SLCO6A1: variants seen among roughly 807,000 people sequenced by gnomAD.
SLCO6A1 encodes solute carrier organic anion transporter family member 6A1, also known as cancer/testis antigen 48.
A neutral mutation model predicts 72.7 loss-of-function variants in SLCO6A1; 65 were observed. The observed-to-expected ratio is 0.89, with a 90% CI of 0.73 to 1.10. The LOEUF (loss-of-function observed/expected upper bound fraction) is 1.10. SLCO6A1 is among the 50% of genes least tolerant of loss of function. SLCO6A1 has a pLI of 0.00. For missense variants in SLCO6A1, 874 were observed against 872.6 expected (o/e 1.00, Z -0.02); for synonymous variants, 314 against 298.2 (o/e 1.05, Z -0.55).
At chr5:102,383,095 A>ATATATATATATACAT (rs1554064835) in intron 12 of SLCO6A1, among the ~76,000 whole-genome samples, 1 of 128,572 alleles carries the variant, frequency 7.8e-6, no homozygotes, top group Non-Finnish European at 1.7e-5. Context: ...TATGTGTGTG[A>ATATATATATATACAT]ATATATATAT....
intron 7 of SLCO6A1, among the ~76,000 whole-genome samples, chr5:102,423,728 A>G (rs950639280): frequency 6.6e-6 from 1 of 152,206 alleles, no homozygotes; most frequent in African/African-American, 2.4e-5. Flanking sequence ...ATAGAAAATT[A>G]ACAAGGATAT....
Position 102,393,033 on chromosome 5 carries a change from T to C in SLCO6A1, c.1815-1988A>G, listed in dbSNP as rs550657048. 4.5e-4 allele frequency among the ~76,000 whole-genome samples: 69 copies of C among 152,254 alleles called. 1 individual carries two copies. The South Asian group carries it at 0.013, about 30-fold the overall frequency. ...ACCTTTTTTTCTCATTCACCACACCTAATCAGTAGATCCAATACTGTCATT... is the reference window on the plus strand; with the variant it reads ...ACCTTTTTTTCTCATTCACCACACCCAATCAGTAGATCCAATACTGTCATT... On this transcript the variant is annotated intron_variant, in intron 10 of 13. Coordinates refer to ENST00000506729, the MANE Select transcript of SLCO6A1 (RefSeq NM_173488.5).
intron 6 of SLCO6A1, among the ~76,000 whole-genome samples, chr5:102,442,581 T>G (rs1580434904): frequency 6.6e-6 from 1 of 152,358 alleles, no homozygotes; most frequent in South Asian, 2.1e-4. Context: ...TTGAATTATC[T>G]ACATGGTATA....
chr5:102,451,286 G>A (rs1203243472), intron 6 of SLCO6A1, among the ~76,000 whole-genome samples: 1 of 152,186 alleles, frequency 6.6e-6, no homozygotes, highest in African/African-American at 2.4e-5. Context: ...CAGCCTGAGA[G>A]CTCAGGCAGG....
At chr5:102,471,860 A>G (rs1275003738) in intron 4 of SLCO6A1, among the ~76,000 whole-genome samples, 2 of 152,088 alleles carry the variant, frequency 1.3e-5, no homozygotes, top group Non-Finnish European at 2.9e-5. Context: ...ACAGTATAAC[A>G]TTCTGGGGCT....
At chr5:102,376,786 A>G (rs1745821252) in intron 12 of SLCO6A1, among the ~76,000 whole-genome samples, 1 of 152,234 alleles carries the variant, frequency 6.6e-6, no homozygotes, top group East Asian at 1.9e-4. Flanking sequence ...AGACGTTTCA[A>G]TGAATTTCAA....
Position 102,388,820 on chromosome 5 carries a change from T to G in SLCO6A1, c.1885A>C (p.Ile629Leu). 1 of 1,594,876 alleles carries G rather than the reference T, an allele frequency of 6.3e-7. No homozygotes were observed. The highest frequency in any genetic ancestry group is 8.5e-7 in the Non-Finnish European group (1 of 1,175,074). Reference protein sequence around the residue: ...SYVILRIFGTIPGPSIFKMSG... With the variant: ...SYVILRIFGTLPGPSIFKMSG... Reference sequence around the variant, plus strand: ...ATTTTAAAGATTGATGGTCCAGGAATAGTCCCTATGAAAAATGCAATGATT... The same window carrying G: ...ATTTTAAAGATTGATGGTCCAGGAAGAGTCCCTATGAAAAATGCAATGATT... The change falls in exon 12 of 14, where the codon ATT becomes CTT. Residue 629 changes from isoleucine to leucine, a missense_variant. Ile to Leu is a conservative substitution (Grantham distance 5, BLOSUM62 2). Coordinates refer to ENST00000506729, the MANE Select transcript of SLCO6A1 (RefSeq NM_173488.5).
intron 6 of SLCO6A1, among the ~76,000 whole-genome samples, chr5:102,448,018 A>C (rs1423469439): frequency 6.6e-6 from 1 of 152,086 alleles, no homozygotes; most frequent in African/African-American, 2.4e-5. Context: ...AGCACTATAA[A>C]CTTCCTTCTT....
At chr5:102,446,331 A>G (rs1487967747) in intron 6 of SLCO6A1, among the ~76,000 whole-genome samples, 1 of 152,102 alleles carries the variant, frequency 6.6e-6, no homozygotes, top group Non-Finnish European at 1.5e-5. Context: ...TTTTGTGGCT[A>G]TCGTGAATGG....
chr5:102,387,719 T>C (rs1746494733), intron 12 of SLCO6A1, among the ~76,000 whole-genome samples: 2 of 152,194 alleles, frequency 1.3e-5, no homozygotes, highest in African/African-American at 4.8e-5. Context: ...TTACTGAATC[T>C]ACTCAGTGAA....
intron 7 of SLCO6A1, among the ~76,000 whole-genome samples, chr5:102,421,838 C>T (rs1748625415): frequency 6.6e-6 from 1 of 152,198 alleles, no homozygotes; most frequent in African/African-American, 2.4e-5. Context: ...AGACACCTCC[C>T]AGCAGGGGTC....
chr5:102,377,185 C>T (rs1433992084), intron 12 of SLCO6A1, among the ~76,000 whole-genome samples: 1 of 151,940 alleles, frequency 6.6e-6, no homozygotes, highest in Admixed American at 6.6e-5. Flanking sequence ...TACACAGAAG[C>T]CTCATTTATA....
rs530371924 is a variant in SLCO6A1, at chr5:102,414,607, A to C, written c.1473-1464T>G. 6.6e-5 allele frequency among the ~76,000 whole-genome samples: 10 copies of C among 152,318 alleles called. No individual in the cohort carries two copies. The East Asian group carries it at 1.7e-3, about 26-fold the overall frequency. On this transcript the variant is annotated intron_variant, in intron 8 of 13. Coordinates refer to ENST00000506729, the MANE Select transcript of SLCO6A1 (RefSeq NM_173488.5). ...ACCAATAAAAATCTAGCTGAGAACA[A>C]GCCAGGCCGGGCACGATGGCTCATG...
chr5:102,441,265 C>T (rs903362595), intron 6 of SLCO6A1, among the ~76,000 whole-genome samples: 1 of 152,128 alleles, frequency 6.6e-6, no homozygotes, highest in African/African-American at 2.4e-5. Context: ...CACTTTTATA[C>T]ATAATAGGAG....
rs57639828 is a variant in SLCO6A1 at position 102,434,083 on chromosome 5, T to C, written c.1276+4534A>G. Among the ~76,000 whole-genome samples, 546 of 152,200 alleles carry C rather than the reference T, an allele frequency of 3.6e-3. 7 individuals carry two copies. The highest frequency in any genetic ancestry group is 6.1e-3 in the Admixed American group (93 of 15,286). On this transcript the variant is annotated intron_variant, in intron 7 of 13. Coordinates refer to ENST00000506729, the MANE Select transcript of SLCO6A1 (RefSeq NM_173488.5). ...AATCTGACATTCTTTAGACTATTTA[T>C]ATTTAACATAACTACTAATATATTT...
At chr5:102,390,890 A>T in intron 11 of SLCO6A1, 91 bp downstream of exon 11, 1 of 1,083,272 alleles carries the variant, frequency 9.2e-7, no homozygotes, top group South Asian at 1.5e-5. Context: ...GTCATTTACT[A>T]TTATTTATTT....
intron 12 of SLCO6A1, among the ~76,000 whole-genome samples, chr5:102,377,808 A>G (rs993517190): frequency 3.3e-5 from 5 of 151,540 alleles, no homozygotes; most frequent in Non-Finnish European, 7.4e-5. Context: ...AGTATCTGGG[A>G]CTATAGGTGT....
intron 10 of SLCO6A1, 80 bp from the exon 11 acceptor site, chr5:102,391,125 A>ATT: frequency 4.2e-5 from 48 of 1,149,698 alleles, no homozygotes; most frequent in South Asian, 1.4e-4. Flanking sequence ...AAGGCTAATC[A>ATT]TTTTTTTTTT....
chr5:102,466,780 G>T (rs1178838285), intron 4 of SLCO6A1, among the ~76,000 whole-genome samples: 2 of 152,008 alleles, frequency 1.3e-5, no homozygotes, highest in Non-Finnish European at 2.9e-5. Context: ...GTGATGTTGA[G>T]ACTTTTTTCA....
Sources: gnomAD v4.1 joint callset for allele counts (sites outside exome capture counted in the v4.1 genomes callset) on GRCh38, gnomAD v4.1.1 for gene constraint, MANE v1.5 for transcripts, NCBI Gene and HGNC (gene_info 2026-07-23, HGNC 2026-07-21) for gene names.